Variants in SPATA6 observed in about 807,000 individuals in gnomAD.
SPATA6 encodes the protein spermatogenesis-associated protein 6.
Under a neutral mutation model 65.3 loss-of-function variants are expected in SPATA6, and 56 were observed. The observed-to-expected ratio is 0.86, with a 90% CI of 0.69 to 1.07. SPATA6 has a LOEUF of 1.07. Ranked by LOEUF, SPATA6 falls within the 50% of genes least tolerant of loss-of-function variation. The pLI is 0.00. For missense variants in SPATA6, 590 were observed against 594.8 expected, an observed-to-expected ratio of 0.99 and a Z score of 0.08; for synonymous variants, 199 against 213.2, an observed-to-expected ratio of 0.93 and a Z score of 0.58.
At chr1:48,381,337 A>G (rs1272328626) in intron 9 of SPATA6, among the ~76,000 whole-genome samples, 1 of 152,214 alleles carries the variant, frequency 6.6e-6, no homozygotes, top group Non-Finnish European at 1.5e-5. Context: ...AGAATCACCC[A>G]GAAACTTGGT....
At chr1:48,312,638 A>T (rs1359567234) in intron 11 of SPATA6, among the ~76,000 whole-genome samples, 1 of 152,078 alleles carries the variant, frequency 6.6e-6, no homozygotes. Flanking sequence ...AAATCAGAGC[A>T]CCTCTCCTCC....
chr1:48,431,254 C>T, intron 3 of SPATA6, among the ~76,000 whole-genome samples: 1 of 152,000 alleles, frequency 6.6e-6, no homozygotes. Flanking sequence ...ATAAAGAGAT[C>T]ATAAAAATAC....
chr1:48,383,288 C>A (rs1295196007), intron 9 of SPATA6, among the ~76,000 whole-genome samples: 1 of 47,632 alleles, frequency 2.1e-5, no homozygotes, highest in Non-Finnish European at 5.0e-5. Context: ...CCGGACGGGG[C>A]GGCTGGCCGG....
intron 1 of SPATA6, among the ~76,000 whole-genome samples, chr1:48,465,914 A>G (rs1378045947): frequency 1.3e-5 from 2 of 152,080 alleles, no homozygotes; most frequent in Non-Finnish European, 2.9e-5. Flanking sequence ...TAAACAGATA[A>G]TTGATTATCA....
chr1:48,325,581 T>C (rs1645734036), intron 11 of SPATA6: 3 of 924,642 alleles, frequency 3.2e-6, no homozygotes, highest in Admixed American at 3.5e-5. Flanking sequence ...CCCTCCTCAA[T>C]GGTAAAGGTG....
intron 10 of SPATA6, among the ~76,000 whole-genome samples, chr1:48,359,244 ATC>A (rs1319444521): frequency 6.6e-6 from 1 of 152,130 alleles, no homozygotes; most frequent in Non-Finnish European, 1.5e-5. Flanking sequence ...AAAAAATATA[ATC>A]TGTGTTGTGT....
intron 5 of SPATA6, among the ~76,000 whole-genome samples, chr1:48,408,735 A>G (rs1248535797): frequency 6.6e-6 from 1 of 152,208 alleles, no homozygotes; most frequent in Non-Finnish European, 1.5e-5. Context: ...AGCAAGTCAC[A>G]TCTTACATGG....
intron 9 of SPATA6, among the ~76,000 whole-genome samples, chr1:48,369,636 A>T (rs1647167475): frequency 6.6e-6 from 1 of 152,216 alleles, no homozygotes; most frequent in Non-Finnish European, 1.5e-5. Context: ...GGAAAAGCGC[A>T]GTAGTGGGGT....
chr1:48,452,969 T>C (rs766728308), intron 2 of SPATA6, 25 bp downstream of exon 2: 2 of 1,606,704 alleles, frequency 1.2e-6, no homozygotes, highest in East Asian at 4.5e-5. Context: ...TGTTTGTTAA[T>C]ACTTGATCTG....
At chr1:48,315,533 T>C (rs1002829185) in intron 11 of SPATA6, among the ~76,000 whole-genome samples, 1 of 152,030 alleles carries the variant, frequency 6.6e-6, no homozygotes, top group Non-Finnish European at 1.5e-5. Context: ...ATTGATGGGA[T>C]GTATCTCAAA....
chr1:48,405,717 T>C (rs1460937452), intron 5 of SPATA6, among the ~76,000 whole-genome samples: 1 of 152,140 alleles, frequency 6.6e-6, no homozygotes, highest in Non-Finnish European at 1.5e-5. Flanking sequence ...CTGTCATCCC[T>C]ACCACATTCT....
chr1:48,340,979 T>C (rs1303708921), intron 11 of SPATA6, among the ~76,000 whole-genome samples: 1 of 152,156 alleles, frequency 6.6e-6, no homozygotes, highest in Admixed American at 6.6e-5. Context: ...CCTATATGTA[T>C]CCAATAACAC....
chr1:48,332,733 A>T (rs1327436165), intron 11 of SPATA6, among the ~76,000 whole-genome samples: 1 of 152,204 alleles, frequency 6.6e-6, no homozygotes. Context: ...GAGCTAGTAG[A>T]CAGCTACATA....
At chr1:48,459,551 C>T (rs555352460) in intron 1 of SPATA6, among the ~76,000 whole-genome samples, 36 of 152,224 alleles carry the variant, frequency 2.4e-4, no homozygotes, top group African/African-American at 8.7e-4. Flanking sequence ...CAAAAATAAG[C>T]AGTCAAGTAA....
At chr1:48,321,768 G>A (rs1645605188) in intron 11 of SPATA6, among the ~76,000 whole-genome samples, 1 of 152,012 alleles carries the variant, frequency 6.6e-6, no homozygotes, top group Non-Finnish European at 1.5e-5. Flanking sequence ...CATATGTCAG[G>A]CCCCAAAACA....
chr1:48,399,639 T>G lies in SPATA6; in HGVS notation c.492A>C (p.Lys164Asn). The G allele has an allele frequency of 6.3e-7, 1 of 1,584,370 alleles. No homozygotes were observed. The highest frequency in any genetic ancestry group is 8.6e-7 in the Non-Finnish European group (1 of 1,167,064). The change falls in exon 7 of 13, where the codon AAA becomes AAC. Residue 164 changes from lysine to asparagine, a missense_variant. Transcript: ENST00000371847. ...ISSRKCHTQD[K>N]FIYHLAPVEK... ...CAACTGGAGCCAAATGGTAAATAAATTTATCCTAAACATAAAAAATAAAAA... is the reference window on the plus strand; with the variant it reads ...CAACTGGAGCCAAATGGTAAATAAAGTTATCCTAAACATAAAAAATAAAAA...
intron 11 of SPATA6, among the ~76,000 whole-genome samples, chr1:48,322,464 C>T (rs1034888172): frequency 1.3e-5 from 2 of 152,112 alleles, no homozygotes; most frequent in South Asian, 4.1e-4. Context: ...ACCATAAAAA[C>T]CCTAGAGGAA....
chr1:48,380,349 A>G (rs1030294534), intron 9 of SPATA6, among the ~76,000 whole-genome samples: 7 of 152,246 alleles, frequency 4.6e-5, no homozygotes, highest in African/African-American at 1.7e-4. Flanking sequence ...TGAATACAAA[A>G]ATAATCCTGT....
At chr1:48,317,335 T>C (rs968128479) in intron 11 of SPATA6, among the ~76,000 whole-genome samples, 21 of 152,190 alleles carry the variant, frequency 1.4e-4, no homozygotes, top group Non-Finnish European at 2.9e-4. Flanking sequence ...CACTGTGGAA[T>C]ACTATGCAGC....
Sources: gnomAD v4.1 joint callset for allele counts (sites outside exome capture counted in the v4.1 genomes callset) on GRCh38, gnomAD v4.1.1 for gene constraint, MANE v1.5 for transcripts, NCBI Gene and HGNC (gene_info 2026-07-23, HGNC 2026-07-21) for gene names.